Variants in SH3KBP1 observed in about 807,000 individuals in gnomAD.
SH3KBP1 encodes SH3 domain-containing kinase-binding protein 1.
A neutral mutation model predicts 50.1 loss-of-function variants in SH3KBP1; 8 were observed. The ratio of observed to expected loss-of-function variants is 0.16; its 90% CI spans 0.09 to 0.29. The LOEUF (loss-of-function observed/expected upper bound fraction) is 0.29, where lower values mean the gene tolerates loss of function less well. Among genes scored for constraint, SH3KBP1 ranks in the 10% least tolerant of loss-of-function variants. The pLI, the probability that SH3KBP1 is intolerant of heterozygous loss-of-function variation, is 1.00. For synonymous variants in SH3KBP1, 227 were observed against 218.6 expected, an observed-to-expected ratio of 1.04 and a Z score of -0.34; for missense variants, 377 against 535.2, an observed-to-expected ratio of 0.70 and a Z score of 2.92.
chrX:19,682,571 T>C (rs2063080767), intron 6 of SH3KBP1, among the ~76,000 whole-genome samples: 1 of 111,170 alleles, frequency 9.0e-6, no homozygotes, highest in Non-Finnish European at 1.9e-5. Flanking sequence ...AATGTGACCA[T>C]ATGCAACAGA....
chrX:19,802,733 G>C (rs1433100353), intron 2 of SH3KBP1, among the ~76,000 whole-genome samples: 2 of 111,113 alleles, frequency 1.8e-5, no homozygotes, highest in African/African-American at 6.6e-5. Flanking sequence ...CAGGCTCTTA[G>C]GTCCCCCTCC....
chrX:19,689,246 T>C (rs762873473), intron 5 of SH3KBP1, among the ~76,000 whole-genome samples: 13 of 112,030 alleles, frequency 1.2e-4, no homozygotes. Flanking sequence ...CAGCAAGTAA[T>C]AGTGGCTAGT....
intron 8 of SH3KBP1, 52 bp from the exon 9 acceptor site, chrX:19,608,097 G>A: frequency 9.7e-7 from 1 of 1,032,364 alleles, no homozygotes; most frequent in South Asian, 2.0e-5. Context: ...AGCCTCCAGA[G>A]GGGTGTAACC....
intron 2 of SH3KBP1, among the ~76,000 whole-genome samples, chrX:19,753,791 A>T (rs1327537642): frequency 8.9e-6 from 1 of 112,611 alleles, no homozygotes; most frequent in African/African-American, 3.2e-5. Flanking sequence ...GTAAAGAAGA[A>T]AAAAAACATA....
intron 1 of SH3KBP1, among the ~76,000 whole-genome samples, chrX:19,856,416 A>C (rs1361166787): frequency 8.9e-6 from 1 of 111,849 alleles, no homozygotes. Flanking sequence ...GTTATTTTAG[A>C]ATGAAATGAT....
chrX:19,700,235 A>AT (rs972076559), intron 4 of SH3KBP1, among the ~76,000 whole-genome samples: 1 of 110,570 alleles, frequency 9.0e-6, no homozygotes, highest in Non-Finnish European at 1.9e-5. Context: ...TTTTCCTCAA[A>AT]TTTTTTTTTC....
At chrX:19,604,863 T>C (rs1407496755) in intron 9 of SH3KBP1, among the ~76,000 whole-genome samples, 1 of 112,357 alleles carries the variant, frequency 8.9e-6, no homozygotes, top group East Asian at 2.8e-4. Flanking sequence ...ACAATCACTT[T>C]TCAGCTATAG....
At chrX:19,726,333 A>G (rs2064221200) in intron 3 of SH3KBP1, among the ~76,000 whole-genome samples, 1 of 111,164 alleles carries the variant, frequency 9.0e-6, no homozygotes, top group South Asian at 3.8e-4. Context: ...AGGTCTTATA[A>G]CCTCTCTGAG....
At chrX:19,554,331 AAT>A (rs1256743200) in intron 13 of SH3KBP1, among the ~76,000 whole-genome samples, 1 of 82,301 alleles carries the variant, frequency 1.2e-5, no homozygotes, top group Non-Finnish European at 2.1e-5. Context: ...ATTAAAATAT[AAT>A]ATTATATATC....
intron 1 of SH3KBP1, among the ~76,000 whole-genome samples, chrX:19,886,641 G>A (rs770231231): frequency 1.8e-5 from 2 of 111,558 alleles, no homozygotes; most frequent in Non-Finnish European, 3.8e-5. Context: ...GGACAGTATG[G>A]GAAGTGGCCT....
At chrX:19,744,895 A>G (rs1458941340) in intron 3 of SH3KBP1, among the ~76,000 whole-genome samples, 1 of 112,706 alleles carries the variant, frequency 8.9e-6, no homozygotes, top group East Asian at 2.8e-4. Context: ...ATCTTGTTAA[A>G]TTAATTAATT....
chrX:19,630,929 CCA>C (rs758510568), intron 8 of SH3KBP1, among the ~76,000 whole-genome samples: 50 of 111,715 alleles, frequency 4.5e-4, no homozygotes, highest in Non-Finnish European at 8.5e-4. Flanking sequence ...TCAGTAATGG[CCA>C]CAGTCGGCGG....
At chrX:19,627,792 A>C (rs1228005268) in intron 8 of SH3KBP1, among the ~76,000 whole-genome samples, 1 of 112,256 alleles carries the variant, frequency 8.9e-6, no homozygotes, top group Non-Finnish European at 1.9e-5. Flanking sequence ...AGCACAGAAA[A>C]GCAGGGCAAA....
chrX:19,732,925 ACGT>A (rs2064424226), intron 3 of SH3KBP1, among the ~76,000 whole-genome samples: 2 of 111,849 alleles, frequency 1.8e-5, no homozygotes, highest in African/African-American at 3.3e-5. Flanking sequence ...TCTGGGAATA[ACGT>A]CATCAACAAG....
At chrX:19,687,733 AGAGGGGG>A in intron 5 of SH3KBP1, 1 of 1,024,635 alleles carries the variant, frequency 9.8e-7, no homozygotes, top group Non-Finnish European at 1.4e-6. Flanking sequence ...GAAAAACAAG[AGAGGGGG>A]GAGGAGGGAG....
intron 15 of SH3KBP1, among the ~76,000 whole-genome samples, chrX:19,542,925 G>A (rs1221775593): frequency 8.9e-6 from 1 of 112,089 alleles, no homozygotes; most frequent in Non-Finnish European, 1.9e-5. Flanking sequence ...ACACGGTGCT[G>A]AGGACCATGC....
chrX:19,798,656 G>T (rs1015600920), intron 2 of SH3KBP1, among the ~76,000 whole-genome samples: 7 of 111,736 alleles, frequency 6.3e-5, no homozygotes, highest in South Asian at 3.7e-4. Flanking sequence ...GGGCAACCTG[G>T]GGCTACATAC....
chrX:19,546,948 T>G (rs2065101384), intron 14 of SH3KBP1, among the ~76,000 whole-genome samples: 1 of 110,722 alleles, frequency 9.0e-6, no homozygotes. Context: ...GCCCAGGAAT[T>G]TGGGACCAGC....
At chrX:19,665,930 T>A (rs1012279462) in intron 6 of SH3KBP1, among the ~76,000 whole-genome samples, 1 of 111,662 alleles carries the variant, frequency 9.0e-6, no homozygotes, top group African/African-American at 3.3e-5. Context: ...CATGATAGTT[T>A]TAATGGCCAA....
Sources: gnomAD v4.1 joint callset for allele counts (sites outside exome capture counted in the v4.1 genomes callset) on GRCh38, gnomAD v4.1.1 for gene constraint, MANE v1.5 for transcripts, NCBI Gene and HGNC (gene_info 2026-07-23, HGNC 2026-07-21) for gene names.